NPR3: variants seen among roughly 807,000 people sequenced by gnomAD.
The protein encoded by NPR3 is atrial natriuretic peptide receptor 3.
Under a neutral mutation model 54.5 loss-of-function variants are expected in NPR3, and 34 were observed. That is an observed-to-expected ratio of 0.62 (90% confidence interval 0.47 to 0.83). The LOEUF is 0.83. Among genes scored for constraint, NPR3 ranks in the 40% least tolerant of loss-of-function variants. NPR3 has a pLI of 0.00. For synonymous variants in NPR3, 289 were observed against 297.1 expected, an observed-to-expected ratio of 0.97 and a Z score of 0.28; for missense variants, 674 against 720.8, an observed-to-expected ratio of 0.94 and a Z score of 0.74.
chr5:32,691,392 T>A (rs1740385514), intron 1 of NPR3, among the ~76,000 whole-genome samples: 1 of 152,234 alleles, frequency 6.6e-6, no homozygotes, highest in Admixed American at 6.5e-5. Context: ...CACATGCAGT[T>A]CCTTTGGCCA....
intron 3 of NPR3, among the ~76,000 whole-genome samples, chr5:32,773,536 C>A (rs1290816901): frequency 1.3e-5 from 2 of 152,128 alleles, no homozygotes; most frequent in African/African-American, 4.8e-5. Context: ...TTGCACTTCC[C>A]AAAATACACC....
At chr5:32,746,514 G>A (rs1740311312) in intron 3 of NPR3, among the ~76,000 whole-genome samples, 1 of 152,100 alleles carries the variant, frequency 6.6e-6, no homozygotes, top group South Asian at 2.1e-4. Context: ...CACTCCCTTG[G>A]AAGAAACTGA....
At chr5:32,716,543 T>A (rs1480684309) in intron 1 of NPR3, 2 of 417,230 alleles carry the variant, frequency 4.8e-6, no homozygotes, top group African/African-American at 4.1e-5. Context: ...ATTGCTTGAG[T>A]CCAAGAGTTT....
intron 2 of NPR3, 35 bp from the exon 3 acceptor site, chr5:32,738,829 G>A: frequency 6.3e-7 from 1 of 1,596,566 alleles, no homozygotes; most frequent in Non-Finnish European, 8.6e-7. Context: ...ATGGTGGCTG[G>A]CTTGGAATTA....
intron 5 of NPR3, among the ~76,000 whole-genome samples, chr5:32,782,209 G>A (rs1742371413): frequency 6.6e-6 from 1 of 152,170 alleles, no homozygotes; most frequent in Non-Finnish European, 1.5e-5. Context: ...TGCAACTCTT[G>A]AAGAAATAGT....
rs1742756347 is a variant in NPR3, at chr5:32,788,709, A to T, written c.*2364A>T. ...GAGGAATAGTCCTAAACTTAATATG[A>T]TAGCTCTAGATAAGATCTTAGAGAT... is the stretch of plus-strand genomic sequence containing the variant. On this transcript the variant is annotated 3_prime_UTR_variant, in exon 8 of 8. Coordinates refer to ENST00000265074, the MANE Select transcript of NPR3 (RefSeq NM_001204375.2). 6.6e-6 allele frequency: 1 copy of T among 152,232 alleles called. No individual in the cohort carries two copies. Among genetic ancestry groups the T allele is most frequent in the East Asian group, 1.9e-4 (1 of 5,204 alleles). 9.4% of individuals were successfully genotyped at this position (152,232 alleles called of 1,614,324 possible).
chr5:32,691,702 C>T, intron 1 of NPR3, among the ~76,000 whole-genome samples: 1 of 152,166 alleles, frequency 6.6e-6, no homozygotes. Flanking sequence ...TACCTTTGAG[C>T]TAGAAACATG....
At chr5:32,745,646 C>T (rs3792758) in intron 3 of NPR3, among the ~76,000 whole-genome samples, 2 of 151,964 alleles carry the variant, frequency 1.3e-5, no homozygotes, top group South Asian at 2.1e-4. Flanking sequence ...AGGCTCTACA[C>T]GTGAGCCTGG....
intron 6 of NPR3, 103 bp downstream of exon 6, chr5:32,783,131 T>G (rs1237608384): frequency 1.8e-6 from 2 of 1,096,406 alleles, no homozygotes; most frequent in Non-Finnish European, 2.6e-6. Context: ...TTTTGGAATT[T>G]TACATTTCTT....
At chr5:32,713,332 A>G in intron 1 of NPR3, 3 of 985,468 alleles carry the variant, frequency 3.0e-6, no homozygotes, top group Non-Finnish European at 3.6e-6. Flanking sequence ...GGGTGTTGGA[A>G]TAAAACCCAA....
rs548091483 is a variant in NPR3 at position 32,745,969 on chromosome 5, T to C, written c.1059+6939T>C. On this transcript the variant is annotated intron_variant, in intron 3 of 7. Coordinates refer to ENST00000265074, the MANE Select transcript of NPR3 (RefSeq NM_001204375.2). ...AAAAATACTTGAGCAGGTACATAAA[T>C]ATCCATGACTGTGAGCTCTGGGGGC... Among the ~76,000 whole-genome samples, 4 of 152,266 alleles carry C rather than the reference T, an allele frequency of 2.6e-5. No individual in the cohort carries two copies. In the East Asian group the frequency reaches 7.7e-4, roughly 29 times the overall value.
intron 7 of NPR3, 67 bp downstream of exon 7, chr5:32,784,950 T>A: frequency 3.2e-6 from 4 of 1,262,680 alleles, no homozygotes; most frequent in Non-Finnish European, 4.6e-6. Flanking sequence ...TTTTACATGA[T>A]TCTCTTTGTG....
At chr5:32,754,188 A>G (rs1253475841) in intron 3 of NPR3, among the ~76,000 whole-genome samples, 2 of 152,190 alleles carry the variant, frequency 1.3e-5, no homozygotes, top group African/African-American at 4.8e-5. Context: ...GATGTGGTGG[A>G]GGAGCCCAAG....
intron 3 of NPR3, among the ~76,000 whole-genome samples, chr5:32,757,763 G>A (rs1740924817): frequency 6.6e-6 from 1 of 152,182 alleles, no homozygotes; most frequent in African/African-American, 2.4e-5. Flanking sequence ...TTATTATTTT[G>A]AGATATGTCC....
intron 1 of NPR3, chr5:32,713,559 AC>A: frequency 2.5e-6 from 2 of 797,350 alleles, no homozygotes; most frequent in Non-Finnish European, 3.0e-6. Context: ...CTTGGCGCTC[AC>A]GCGCCTGGAA....
At chr5:32,755,384 T>G (rs920001199) in intron 3 of NPR3, among the ~76,000 whole-genome samples, 1 of 152,250 alleles carries the variant, frequency 6.6e-6, no homozygotes, top group Admixed American at 6.5e-5. Context: ...ATATTTTTGT[T>G]AACCACTTGA....
chr5:32,702,607 C>A (rs1421980490), intron 1 of NPR3, among the ~76,000 whole-genome samples: 1 of 152,046 alleles, frequency 6.6e-6, no homozygotes, highest in African/African-American at 2.4e-5. Flanking sequence ...TTTTTTATGG[C>A]TGCATAGTAT....
intron 4 of NPR3, among the ~76,000 whole-genome samples, chr5:32,778,386 A>G (rs766630737): frequency 1.3e-5 from 2 of 152,120 alleles, no homozygotes; most frequent in South Asian, 4.2e-4. Context: ...AAAAACTCAA[A>G]CCTTCCTAAA....
At chr5:32,751,532 G>T (rs779584800) in intron 3 of NPR3, among the ~76,000 whole-genome samples, 1 of 152,220 alleles carries the variant, frequency 6.6e-6, no homozygotes, top group African/African-American at 2.4e-5. Context: ...TGAGCAGGGG[G>T]TGATTTTATA....
Sources: gnomAD v4.1 joint callset for allele counts (sites outside exome capture counted in the v4.1 genomes callset) on GRCh38, gnomAD v4.1.1 for gene constraint, MANE v1.5 for transcripts, NCBI Gene and HGNC (gene_info 2026-07-23, HGNC 2026-07-21) for gene names.